KCNJ6: variants seen among roughly 807,000 people sequenced by gnomAD.
KCNJ6 encodes the protein potassium inwardly rectifying channel subfamily J member 6.
A neutral mutation model predicts 34.2 loss-of-function variants in KCNJ6; 9 were observed. The observed-to-expected ratio is 0.26, with a 90% CI of 0.16 to 0.46. The LOEUF (loss-of-function observed/expected upper bound fraction) is 0.46. KCNJ6 is among the 20% of genes least tolerant of loss of function. The pLI, the probability that KCNJ6 is intolerant of heterozygous loss-of-function variation, is 1.00. For missense variants in KCNJ6, 236 were observed against 531.3 expected (o/e 0.44, Z 5.46); for synonymous variants, 196 against 207.1 (o/e 0.95, Z 0.46).
chr21:37,661,029 T>C (rs1053120062), intron 3 of KCNJ6, among the ~76,000 whole-genome samples: 1 of 152,222 alleles, frequency 6.6e-6, no homozygotes, highest in African/African-American at 2.4e-5. Context: ...TTGGCCAAAA[T>C]ACAATTGAAT....
At chr21:37,744,897 G>A (rs903160502) in intron 2 of KCNJ6, among the ~76,000 whole-genome samples, 4 of 152,078 alleles carry the variant, frequency 2.6e-5, no homozygotes, top group East Asian at 1.9e-4. Flanking sequence ...TCCTGATCCC[G>A]GGAACTGTGG....
intron 3 of KCNJ6, among the ~76,000 whole-genome samples, chr21:37,644,331 G>A (rs966531679): frequency 4.6e-5 from 7 of 152,116 alleles, no homozygotes; most frequent in Non-Finnish European, 8.8e-5. Context: ...CATGACGCAA[G>A]TTTACCTATA....
chr21:37,738,895 A>T (rs1291984603), intron 2 of KCNJ6, among the ~76,000 whole-genome samples: 1 of 152,236 alleles, frequency 6.6e-6, no homozygotes, highest in African/African-American at 2.4e-5. Context: ...CATCCTCTTT[A>T]ATCTGCAAAT....
chr21:37,734,479 T>C (rs2054902787), intron 2 of KCNJ6, among the ~76,000 whole-genome samples: 1 of 152,332 alleles, frequency 6.6e-6, no homozygotes, highest in East Asian at 1.9e-4. Context: ...TAAATTGATC[T>C]GTCTTAACAA....
intron 1 of KCNJ6, among the ~76,000 whole-genome samples, chr21:37,866,940 C>T (rs1020617277): frequency 2.0e-5 from 3 of 152,212 alleles, no homozygotes; most frequent in African/African-American, 7.2e-5. Flanking sequence ...GCTATTTTTA[C>T]AATCTCTAAA....
At chr21:37,850,671 C>G (rs937084196) in intron 1 of KCNJ6, among the ~76,000 whole-genome samples, 7 of 152,186 alleles carry the variant, frequency 4.6e-5, no homozygotes, top group African/African-American at 1.7e-4. Context: ...GGCCCAGCAG[C>G]TTGACCCTGT....
chr21:37,861,023 G>C (rs1484781043), intron 1 of KCNJ6, among the ~76,000 whole-genome samples: 1 of 152,196 alleles, frequency 6.6e-6, no homozygotes, highest in African/African-American at 2.4e-5. Context: ...GTTATACATA[G>C]TTTATGAAAC....
chr21:37,698,066 C>A (rs1310345121), intron 3 of KCNJ6, among the ~76,000 whole-genome samples: 1 of 152,192 alleles, frequency 6.6e-6, no homozygotes, highest in Non-Finnish European at 1.5e-5. Context: ...ACTCGTTAAA[C>A]AAAGACACTC....
intron 2 of KCNJ6, among the ~76,000 whole-genome samples, chr21:37,764,424 G>T (rs1212403524): frequency 6.7e-6 from 1 of 149,838 alleles, no homozygotes; most frequent in Non-Finnish European, 1.5e-5. Flanking sequence ...TGCTGCCCAG[G>T]CTGGAGTGCA....
intron 1 of KCNJ6, among the ~76,000 whole-genome samples, chr21:37,885,233 G>T (rs184139997): frequency 6.6e-6 from 1 of 151,676 alleles, no homozygotes; most frequent in East Asian, 1.9e-4. Context: ...GGGTCCTCTT[G>T]GGGGAGGTAC....
intron 2 of KCNJ6, among the ~76,000 whole-genome samples, chr21:37,781,069 C>A (rs1315634617): frequency 1.3e-5 from 2 of 152,128 alleles, no homozygotes; most frequent in Non-Finnish European, 2.9e-5. Context: ...CTTCCTATGT[C>A]GAGTCTATTG....
intron 1 of KCNJ6, among the ~76,000 whole-genome samples, chr21:37,871,868 C>T (rs2409943): frequency 0.49 from 74,061 of 152,082 alleles, 18,536 homozygotes; most frequent in Admixed American, 0.61. Context: ...TGTTAAGAAA[C>T]AAAATGATTC....
In KCNJ6 at chr21:37,625,240, A is replaced by G; in HGVS notation, c.1191T>C (p.Thr397=). The change falls in exon 4 of 4, where the codon ACT becomes ACC. Residue 397 remains threonine, a synonymous_variant. Coordinates refer to ENST00000609713, the MANE Select transcript of KCNJ6 (RefSeq NM_002240.5). ...CTTCGAGGTTCTTTTCTTCCTCTTCAGTCTCCAGTTCTGCATGTTGGTTGA... is the reference window on the plus strand; with the variant it reads ...CTTCGAGGTTCTTTTCTTCCTCTTCGGTCTCCAGTTCTGCATGTTGGTTGA... The part of the protein sequence containing the change: ...SKLNQHAELE[T]EEEEKNLEEQ... 6.2e-7 allele frequency: 1 copy of G among 1,614,190 alleles called. No homozygotes were observed. Among genetic ancestry groups the G allele is most frequent in the Non-Finnish European group, 8.5e-7 (1 of 1,180,028 alleles).
chr21:37,706,070 TA>T (rs35547009), intron 3 of KCNJ6, among the ~76,000 whole-genome samples: 152,332 of 152,332 alleles, frequency 1, 76,166 homozygotes, highest in Non-Finnish European at 1. Context: ...ACGAGAGCCT[TA>T]AGAAGTGGGA....
Position 37,777,266 on chromosome 21 carries a change from T to C in KCNJ6, c.26-62135A>G, listed in dbSNP as rs186035992. 4.8e-3 allele frequency among the ~76,000 whole-genome samples: 738 copies of C among 152,220 alleles called. 9 individuals are homozygous for C. The highest frequency in any genetic ancestry group is 0.016 in the African/African-American group (662 of 41,528). On this transcript the variant is annotated intron_variant, in intron 2 of 3. Coordinates refer to ENST00000609713, the MANE Select transcript of KCNJ6 (RefSeq NM_002240.5). The stretch of plus-strand genomic sequence containing the variant: ...TCTTCTTTATTAGTCTTGCTAGCGG[T>C]CTATCAATTTTGTTAGCATGCCTCC...
chr21:37,637,451 C>T (rs1011331190), intron 3 of KCNJ6, among the ~76,000 whole-genome samples: 6 of 152,044 alleles, frequency 3.9e-5, no homozygotes, highest in African/African-American at 1.4e-4. Context: ...CTATTCTCAC[C>T]AAGGTCATTG....
rs2054295713 is a variant in KCNJ6, at chr21:37,623,214, G to T, written c.*1945C>A. On this transcript the variant is annotated 3_prime_UTR_variant, in exon 4 of 4. Coordinates refer to ENST00000609713, the MANE Select transcript of KCNJ6 (RefSeq NM_002240.5). ...ATCCAAGGTCTCTGAGATGGGAGAA[G>T]AGAGGCCCCGAGGTTATATTTAGGA... is the stretch of plus-strand genomic sequence containing the variant. 3 of 152,254 alleles carry T rather than the reference G, an allele frequency of 2.0e-5. No individual in the cohort carries two copies. The South Asian group carries it at 6.2e-4, about 31-fold the overall frequency. 9.4% of individuals were successfully genotyped at this position (152,254 alleles called of 1,614,324 possible). A position where few individuals can be genotyped will look rare whatever the true frequency, so the allele number is the denominator to read the frequency against.
chr21:37,626,385 C>T (rs571124750), intron 3 of KCNJ6, among the ~76,000 whole-genome samples: 4 of 152,304 alleles, frequency 2.6e-5, no homozygotes, highest in Admixed American at 6.5e-5. Context: ...CCGCCTGCCT[C>T]AGCCTCCCAA....
intron 2 of KCNJ6, among the ~76,000 whole-genome samples, chr21:37,779,052 T>G (rs528388251): frequency 6.6e-6 from 1 of 152,296 alleles, no homozygotes; most frequent in East Asian, 1.9e-4. Context: ...GATGAGATCC[T>G]GTCATTATTT....
Sources: gnomAD v4.1 joint callset for allele counts (sites outside exome capture counted in the v4.1 genomes callset) on GRCh38, gnomAD v4.1.1 for gene constraint, MANE v1.5 for transcripts, NCBI Gene and HGNC (gene_info 2026-07-23, HGNC 2026-07-21) for gene names.